The following B4GALT6 variants were observed in gnomAD, a reference collection of about 807,000 sequenced individuals.
The protein encoded by B4GALT6 is UDP-Gal:beta-GlcNAc beta-1,4-galactosyltransferase 6.
A neutral mutation model predicts 46.3 loss-of-function variants in B4GALT6; 14 were observed. That is an observed-to-expected ratio of 0.30 (90% CI 0.20 to 0.47). The LOEUF (loss-of-function observed/expected upper bound fraction) is 0.47, where lower values mean the gene tolerates loss of function less well. Among genes scored for constraint, B4GALT6 ranks in the 20% least tolerant of loss-of-function variants. The probability of loss-of-function intolerance (pLI) is 0.99; values close to 1 mark genes in which losing one functional copy is unlikely to be tolerated. For missense variants in B4GALT6, 386 were observed against 480.1 expected (o/e 0.80, Z 1.83); for synonymous variants, 168 against 162.0 (o/e 1.04, Z -0.28).
upstream of B4GALT6, chr18:31,686,223 A>AG (rs763352459): frequency 6.6e-6 from 1 of 152,164 alleles, no homozygotes; most frequent in Non-Finnish European, 1.5e-5. Context: ...GAGTATTTCC[A>AG]GATGGAACTG....
At chr18:31,659,901 C>T (rs2074191203) in intron 2 of B4GALT6, among the ~76,000 whole-genome samples, 1 of 151,562 alleles carries the variant, frequency 6.6e-6, no homozygotes, top group Admixed American at 6.6e-5. Flanking sequence ...TTAAAGATAC[C>T]AAGCAAAAGC....
intron 4 of B4GALT6, among the ~76,000 whole-genome samples, chr18:31,640,305 C>A (rs1332340154): frequency 6.6e-6 from 1 of 152,032 alleles, no homozygotes; most frequent in Non-Finnish European, 1.5e-5. Context: ...TGCACCTAAT[C>A]CTTTTAAAAT....
rs927409502 is a variant in B4GALT6, at chr18:31,638,607, T to C, written c.588+37A>G. On this transcript the variant is annotated intron_variant, in intron 5 of 8. Coordinates refer to ENST00000306851, the MANE Select transcript of B4GALT6 (RefSeq NM_004775.5). ...TAACCATATCTAAGAGTTTAGATTC[T>C]AGTATACTTAGTGACCACTATGAAA... 7.7e-6 allele frequency: 11 copies of C among 1,424,732 alleles called. 1 individual carries two copies. The highest frequency in any genetic ancestry group is 5.1e-5 in the Admixed American group (3 of 58,756). The allele number at this position is 1,424,732 out of a possible 1,614,324, so 88.3% of individuals were successfully genotyped here.
chr18:31,682,515 A>G (rs1009528304), intron 1 of B4GALT6, among the ~76,000 whole-genome samples: 1 of 152,236 alleles, frequency 6.6e-6, no homozygotes, highest in Non-Finnish European at 1.5e-5. Context: ...TGACCGTTCT[A>G]TGGCAAACAT....
chr18:31,709,434 C>CATATATATATATATATATATATATACAT, the B4GALT6 span, among the ~76,000 whole-genome samples: 1 of 130,962 alleles, frequency 7.6e-6, no homozygotes, highest in African/African-American at 3.0e-5. Context: ...GCAATTCATA[C>CATATATATATATATATATATATATACAT]ATATATATAT....
At chr18:31,656,056 C>A (rs1330243290) in intron 3 of B4GALT6, among the ~76,000 whole-genome samples, 1 of 152,134 alleles carries the variant, frequency 6.6e-6, no homozygotes, top group Non-Finnish European at 1.5e-5. Flanking sequence ...GTCTGAAACT[C>A]TTGAGAGCTG....
At chr18:31,666,187 A>G in intron 2 of B4GALT6, 69 bp downstream of exon 2, 2 of 858,288 alleles carry the variant, frequency 2.3e-6, no homozygotes, top group Non-Finnish European at 3.6e-6. Context: ...ACCTGAAGGC[A>G]AAACAGACTG....
chr18:31,691,517 A>G, the B4GALT6 span, among the ~76,000 whole-genome samples: 1 of 151,960 alleles, frequency 6.6e-6, no homozygotes, highest in Non-Finnish European at 1.5e-5. Flanking sequence ...CAAGAATCTT[A>G]TACCTGTAGC....
chr18:31,706,210 T>C, the B4GALT6 span, among the ~76,000 whole-genome samples: 4 of 152,144 alleles, frequency 2.6e-5, no homozygotes, highest in African/African-American at 9.7e-5. Context: ...ATGTGTTTGA[T>C]GTACATGTAC....
chr18:31,684,667 G>A (rs866224454), upstream of B4GALT6: 16 of 1,191,460 alleles, frequency 1.3e-5, no homozygotes, highest in African/African-American at 3.1e-5. Flanking sequence ...AGAGGTGGAG[G>A]GGGGAGAGGG....
intron 3 of B4GALT6, among the ~76,000 whole-genome samples, chr18:31,652,380 A>T (rs200203688): frequency 2.2e-5 from 1 of 46,034 alleles, no homozygotes; most frequent in East Asian, 1.2e-3. Context: ...GTGTGTGACA[A>T]GACACAGCAG....
chr18:31,673,779 T>C (rs1445872936), intron 1 of B4GALT6, among the ~76,000 whole-genome samples: 1 of 152,178 alleles, frequency 6.6e-6, no homozygotes, highest in Non-Finnish European at 1.5e-5. Flanking sequence ...AACCTGTGAA[T>C]GTGACACTCA....
chr18:31,724,031 A>T, the B4GALT6 span, among the ~76,000 whole-genome samples: 1 of 150,138 alleles, frequency 6.7e-6, no homozygotes, highest in East Asian at 2.0e-4. Flanking sequence ...TTCCTCGCAG[A>T]GGGGAGGGGA....
chr18:31,652,661 C>T (rs771094673), intron 3 of B4GALT6, among the ~76,000 whole-genome samples: 80 of 152,200 alleles, frequency 5.3e-4, no homozygotes, highest in African/African-American at 1.9e-3. Flanking sequence ...CCAAATGCGA[C>T]GGTTACTCTG....
In B4GALT6 at chr18:31,684,495, A is replaced by G; in HGVS notation, c.-69T>C. 6.4e-7 allele frequency: 1 copy of G among 1,566,902 alleles called. No homozygotes were observed. The highest frequency in any genetic ancestry group is 8.6e-7 in the Non-Finnish European group (1 of 1,157,024). ...GACTCGGGGCCACTGTCCAGGCCCTAAACTTCCATAAATGTGCTGAGAACC... is the reference window on the plus strand; with the variant it reads ...GACTCGGGGCCACTGTCCAGGCCCTGAACTTCCATAAATGTGCTGAGAACC... On this transcript the variant is annotated 5_prime_UTR_variant, in exon 1 of 9. The change abolishes the stop of an existing upstream ORF in the 5' untranslated region. Coordinates refer to ENST00000306851, the MANE Select transcript of B4GALT6 (RefSeq NM_004775.5).
intron 2 of B4GALT6, among the ~76,000 whole-genome samples, chr18:31,662,817 G>C (rs1202811650): frequency 1.3e-5 from 2 of 152,006 alleles, no homozygotes; most frequent in African/African-American, 4.8e-5. Flanking sequence ...CTTCAGCCTG[G>C]GCGACAGAGC....
the B4GALT6 span, among the ~76,000 whole-genome samples, chr18:31,707,876 T>C: frequency 6.6e-6 from 1 of 152,368 alleles, no homozygotes; most frequent in Non-Finnish European, 1.5e-5. Context: ...TAATTGCATG[T>C]ATATGTTATG....
At chr18:31,716,961 G>A in the B4GALT6 span, among the ~76,000 whole-genome samples, 76 of 152,056 alleles carry the variant, frequency 5.0e-4, no homozygotes, top group African/African-American at 1.7e-3. Context: ...TTAGCCGAGC[G>A]TGTGGTGGGC....
upstream of B4GALT6, chr18:31,686,475 A>G (rs1365119006): frequency 1.3e-5 from 2 of 152,216 alleles, no homozygotes; most frequent in African/African-American, 2.4e-5. Flanking sequence ...AACTGTGCAT[A>G]ATGCTAAGCA....
Sources: allele counts gnomAD v4.1 joint callset (sites outside exome capture counted in the v4.1 genomes callset), GRCh38; gene constraint gnomAD v4.1.1; transcripts MANE v1.5; gene names NCBI Gene and HGNC (gene_info 2026-07-23, HGNC 2026-07-21).